Variants in ZNF407 observed in about 807,000 individuals in gnomAD.
The protein encoded by ZNF407 is zinc finger protein 407.
In ZNF407, 17 loss-of-function variants were observed where a neutral mutation model predicts 131.2. The observed-to-expected ratio is 0.13, with a 90% CI of 0.09 to 0.19. ZNF407 has a LOEUF of 0.19. Among genes scored for constraint, ZNF407 ranks in the 10% least tolerant of loss-of-function variants. ZNF407 has a pLI of 1.00. For missense variants in ZNF407, 2,681 were observed against 2,830.6 expected, an observed-to-expected ratio of 0.95 and a Z score of 1.20; for synonymous variants, 1,156 against 1,062.0, an observed-to-expected ratio of 1.09 and a Z score of -1.72.
intron 8 of ZNF407, among the ~76,000 whole-genome samples, chr18:74,965,785 A>C (rs944800658): frequency 2.0e-5 from 3 of 152,190 alleles, no homozygotes; most frequent in Non-Finnish European, 2.9e-5. Flanking sequence ...AACACTGTTT[A>C]AGGGCTCCTT....
chr18:74,604,585 T>C (rs887580876), intron 1 of ZNF407, among the ~76,000 whole-genome samples: 4 of 152,252 alleles, frequency 2.6e-5, no homozygotes, highest in Admixed American at 6.5e-5. Context: ...ATCATGGATG[T>C]AGACACAGCC....
At chr18:75,004,018 C>G (rs1426030549) in intron 8 of ZNF407, among the ~76,000 whole-genome samples, 3 of 152,156 alleles carry the variant, frequency 2.0e-5, no homozygotes, top group Non-Finnish European at 4.4e-5. Flanking sequence ...AGTCCTAAAG[C>G]AGATTTCGCA....
At position 74,631,487 on chromosome 18, in the gene ZNF407, A is replaced by T. The variant is rs769603285; in HGVS notation, c.468A>T (p.Glu156Asp). 8 of 1,613,970 alleles carry T rather than the reference A, an allele frequency of 5.0e-6. No homozygotes were observed. The East Asian group carries it at 1.8e-4, about 36-fold the overall frequency. Residue 156 changes from glutamate to aspartate, a missense_variant, in exon 2 of 9, where the codon GAA becomes GAT. Physicochemically the swap from Glu to Asp is conservative, Grantham distance 45. Transcript: ENST00000299687. ...KTDTEKTSAQ[E>D]MVSLDLERES... ...ACACTGAAAAAACATCTGCTCAGGA[A>T]ATGGTTTCCCTTGATCTGGAAAGAG...
chr18:75,055,393 T>TA (rs1973550389), intron 8 of ZNF407, among the ~76,000 whole-genome samples: 1 of 152,168 alleles, frequency 6.6e-6, no homozygotes, highest in South Asian at 2.1e-4. Context: ...GAGAAACAGT[T>TA]AACCTCTGCC....
intron 8 of ZNF407, among the ~76,000 whole-genome samples, chr18:75,003,450 T>A (rs1420803138): frequency 6.6e-6 from 1 of 152,192 alleles, no homozygotes; most frequent in Admixed American, 6.5e-5. Flanking sequence ...GGTTTAGGAT[T>A]TGTTTCAAAA....
At chr18:74,728,938 G>T (rs1420126248) in intron 3 of ZNF407, among the ~76,000 whole-genome samples, 1 of 152,098 alleles carries the variant, frequency 6.6e-6, no homozygotes, top group Non-Finnish European at 1.5e-5. Flanking sequence ...AAAAGAAGGG[G>T]CTCCTTTCCA....
chr18:74,734,905 G>A (rs1968379027), intron 3 of ZNF407, among the ~76,000 whole-genome samples: 1 of 152,080 alleles, frequency 6.6e-6, no homozygotes, highest in South Asian at 2.1e-4. Flanking sequence ...GCATAGGAAT[G>A]ATCTCTTTAT....
At position 75,060,371 on chromosome 18, in the gene ZNF407, C is replaced by T. The variant is rs529382460; in HGVS notation, c.5429-2779C>T. On this transcript the variant is annotated intron_variant, in intron 8 of 8. Transcript: ENST00000299687. ...GAGGGCCAGGCCAGGCCTGGCTCCC[C>T]CCTGCGGTTCACTAGCCCGGCGGCA... The T allele has an allele frequency of 4.9e-4, 75 of 152,374 alleles. 1 individual carries two copies. The highest frequency in any genetic ancestry group is 1.6e-3 in the African/African-American group (66 of 41,574). 9.4% of individuals were successfully genotyped at this position (152,374 alleles called of 1,614,324 possible).
At chr18:74,873,765 A>G (rs1323216345) in intron 4 of ZNF407, among the ~76,000 whole-genome samples, 1 of 152,122 alleles carries the variant, frequency 6.6e-6, no homozygotes, top group African/African-American at 2.4e-5. Context: ...CTAACTCGTA[A>G]TTGACTTCCA....
intron 4 of ZNF407, among the ~76,000 whole-genome samples, chr18:74,807,188 A>G (rs900711647): frequency 6.6e-6 from 1 of 152,202 alleles, no homozygotes; most frequent in Admixed American, 6.5e-5. Flanking sequence ...GAGTCCCTGT[A>G]TTCTGAGGCT....
intron 4 of ZNF407, among the ~76,000 whole-genome samples, chr18:74,784,924 G>A (rs1969675205): frequency 6.6e-6 from 1 of 152,142 alleles, no homozygotes; most frequent in African/African-American, 2.4e-5. Flanking sequence ...AAATCAGCTG[G>A]GTTTTGAATG....
At chr18:74,960,170 G>T (rs1230136575) in intron 8 of ZNF407, among the ~76,000 whole-genome samples, 1 of 152,266 alleles carries the variant, frequency 6.6e-6, no homozygotes, top group Non-Finnish European at 1.5e-5. Context: ...GAAGTGAAAT[G>T]AGATGACAAA....
chr18:74,738,257 T>C (rs1243629951), intron 3 of ZNF407, among the ~76,000 whole-genome samples: 2 of 151,624 alleles, frequency 1.3e-5, no homozygotes, highest in Non-Finnish European at 2.9e-5. Flanking sequence ...CTGTCTCTAC[T>C]AAAAATACAA....
chr18:74,785,337 T>C (rs902710684), intron 4 of ZNF407, among the ~76,000 whole-genome samples: 1 of 152,194 alleles, frequency 6.6e-6, no homozygotes, highest in East Asian at 1.9e-4. Flanking sequence ...AGATTTCCTC[T>C]GGGGTCCTCC....
intron 3 of ZNF407, among the ~76,000 whole-genome samples, chr18:74,685,937 G>C (rs755128053): frequency 2.0e-5 from 3 of 152,028 alleles, no homozygotes; most frequent in Non-Finnish European, 4.4e-5. Flanking sequence ...GCTCTTCTTC[G>C]GGCATAGATC....
At chr18:74,754,234 C>G (rs1214018967) in intron 3 of ZNF407, among the ~76,000 whole-genome samples, 1 of 152,062 alleles carries the variant, frequency 6.6e-6, no homozygotes, top group African/African-American at 2.4e-5. Flanking sequence ...TGATTCTTCT[C>G]TCTTTTCTTC....
intron 8 of ZNF407, among the ~76,000 whole-genome samples, chr18:74,956,246 C>T (rs1350025853): frequency 6.6e-6 from 1 of 151,926 alleles, no homozygotes; most frequent in East Asian, 1.9e-4. Flanking sequence ...TCACATCCAG[C>T]TCTCCGTCCT....
intron 4 of ZNF407, among the ~76,000 whole-genome samples, chr18:74,816,848 A>G (rs1970274014): frequency 6.6e-6 from 1 of 152,224 alleles, no homozygotes; most frequent in Admixed American, 6.5e-5. Context: ...TATGTACTAG[A>G]TAATAAATAA....
At chr18:74,702,118 C>T (rs1967511612) in intron 3 of ZNF407, among the ~76,000 whole-genome samples, 2 of 152,076 alleles carry the variant, frequency 1.3e-5, no homozygotes, top group Admixed American at 1.3e-4. Context: ...GGTGGCATTA[C>T]ATTTTGGAGG....
Sources: gnomAD v4.1 joint callset for allele counts (sites outside exome capture counted in the v4.1 genomes callset) on GRCh38, gnomAD v4.1.1 for gene constraint, MANE v1.5 for transcripts, NCBI Gene and HGNC (gene_info 2026-07-23, HGNC 2026-07-21) for gene names.